The following SAP130 variants were observed in gnomAD, a reference collection of about 807,000 sequenced individuals.
SAP130 encodes histone deacetylase complex subunit SAP130.
SAP130 carries 16 observed loss-of-function variants against 103.2 expected under a neutral mutation model. The observed-to-expected ratio is 0.16, with a 90% CI of 0.10 to 0.24. The LOEUF is 0.24. Among genes scored for constraint, SAP130 ranks in the 10% least tolerant of loss-of-function variants. The pLI is 1.00. For missense variants in SAP130, 990 were observed against 1,359.7 expected, an observed-to-expected ratio of 0.73 and a Z score of 4.28; for synonymous variants, 477 against 497.0, an observed-to-expected ratio of 0.96 and a Z score of 0.53.
chr2:127,974,114 C>T (rs531592212), intron 15 of SAP130, among the ~76,000 whole-genome samples: 9 of 152,278 alleles, frequency 5.9e-5, no homozygotes, highest in South Asian at 4.1e-4. Flanking sequence ...AGATAGTTAA[C>T]GATTTTATCA....
In SAP130 at chr2:127,989,962, T is replaced by A. The variant is rs1479012874; in HGVS notation, c.1478-96A>T. On this transcript the variant is annotated intron_variant, in intron 12 of 20. Transcript: ENST00000643581. The surrounding 1 kb of genome is among the most constrained non-coding windows in gnomAD (Gnocchi z 4.6). The stretch of plus-strand genomic sequence containing the variant: ...CACTAAAAACGGATTTCCTCCACTG[T>A]ATAAGATCTAAATCCATGGTTTGAA... 9.2e-7 allele frequency: 1 copy of A among 1,090,130 alleles called. No individual in the cohort carries two copies. The highest frequency in any genetic ancestry group is 1.3e-6 in the Non-Finnish European group (1 of 765,430). 67.5% of individuals were successfully genotyped at this position (1,090,130 alleles called of 1,614,324 possible). A position where few individuals can be genotyped will look rare whatever the true frequency, so the allele number is the denominator to read the frequency against.
At chr2:127,981,716 C>T (rs1414308470) in intron 14 of SAP130, among the ~76,000 whole-genome samples, 1 of 106,924 alleles carries the variant, frequency 9.4e-6, no homozygotes, top group Non-Finnish European at 1.9e-5. Flanking sequence ...CCCAGTCCTC[C>T]TGCACCCCCG....
chr2:127,998,700 G>A (rs748471530), intron 10 of SAP130, among the ~76,000 whole-genome samples: 4 of 152,238 alleles, frequency 2.6e-5, no homozygotes, highest in Non-Finnish European at 4.4e-5. Flanking sequence ...GATCTCTTAG[G>A]AAGATAGAAG....
At chr2:127,954,460 AG>A (rs1446834520) in intron 16 of SAP130, among the ~76,000 whole-genome samples, 2 of 152,106 alleles carry the variant, frequency 1.3e-5, no homozygotes, top group African/African-American at 4.8e-5. Flanking sequence ...AAAAAAAGAA[AG>A]AAAACCTCTC....
chr2:127,979,166 G>A (rs1411998159), intron 14 of SAP130, among the ~76,000 whole-genome samples: 1 of 152,182 alleles, frequency 6.6e-6, no homozygotes, highest in Non-Finnish European at 1.5e-5. Flanking sequence ...CAGGTACGAG[G>A]GCAAGGCCAT....
intron 2 of SAP130, among the ~76,000 whole-genome samples, chr2:128,021,754 G>A (rs1685177973): frequency 6.7e-6 from 1 of 149,742 alleles, no homozygotes; most frequent in African/African-American, 2.5e-5. Flanking sequence ...CCCATTAGCA[G>A]TATACAAGCT....
chr2:128,010,270 T>C lies in SAP130; in HGVS notation c.868A>G (p.Ser290Gly). 1.2e-6 allele frequency: 2 copies of C among 1,613,614 alleles called. No homozygotes were observed. The highest frequency in any genetic ancestry group is 1.7e-6 in the Non-Finnish European group (2 of 1,179,742). ...TAAHATDSAL[S>G]RPTLSIQHPP... Reference sequence around the variant, plus strand: ...AAACTTCATACTCCCCATGTATACCTAAGTGCTGAATCAGTAGCATGCGCC... The same window carrying C: ...AAACTTCATACTCCCCATGTATACCCAAGTGCTGAATCAGTAGCATGCGCC... Residue 290 changes from serine (S) to glycine (G), a missense_variant and splice_region_variant, in exon 7 of 21, where the codon AGT becomes GGT. Around this residue, in one of 6 missense-constraint regions of SAP130, gnomAD observed 336 missense variants for 520.1 expected, o/e 0.65. Transcript: ENST00000643581.
chr2:128,007,602 A>C (rs1177175329), intron 7 of SAP130, among the ~76,000 whole-genome samples: 3 of 152,242 alleles, frequency 2.0e-5, no homozygotes, highest in African/African-American at 4.8e-5. Flanking sequence ...CTCAGGCAAC[A>C]TATTTATTAA....
chr2:128,026,709 A>T (rs1031297778), intron 1 of SAP130, among the ~76,000 whole-genome samples: 1 of 152,276 alleles, frequency 6.6e-6, no homozygotes, highest in Non-Finnish European at 1.5e-5. Flanking sequence ...AGTATGTCAT[A>T]GGAACATTCG....
chr2:127,943,858 T>C (rs898166497), intron 19 of SAP130, among the ~76,000 whole-genome samples: 1 of 152,218 alleles, frequency 6.6e-6, no homozygotes, highest in African/African-American at 2.4e-5. Context: ...CTTTCTTCAA[T>C]AACAAATTAA....
chr2:127,983,955 T>C (rs1682180832), intron 14 of SAP130, among the ~76,000 whole-genome samples: 1 of 151,918 alleles, frequency 6.6e-6, no homozygotes. Flanking sequence ...GAACTGAGAT[T>C]ACAATATTAT....
In SAP130 at chr2:127,989,872, A is replaced by G. The variant is rs761341114; in HGVS notation, c.1478-6T>C. ...GTTTGGAGCCTGAGCTGAAACTAAA[A>G]ATGATGCGAAAGGTAACTATAAGAA... On this transcript the variant is annotated splice_region_variant and splice_polypyrimidine_tract_variant and intron_variant, in intron 12 of 20. Coordinates refer to ENST00000643581, the MANE Select transcript of SAP130 (RefSeq NM_001330301.2). This position sits in a 1 kb window ranked among gnomAD's most constrained non-coding sequence, Gnocchi z 4.6. 2 of 1,610,718 alleles carry G rather than the reference A, an allele frequency of 1.2e-6. No homozygotes were observed. Among genetic ancestry groups the G allele is most frequent in the Non-Finnish European group, 1.7e-6 (2 of 1,177,444 alleles).
chr2:127,963,693 C>T (rs372717966), intron 15 of SAP130, among the ~76,000 whole-genome samples: 4 of 152,156 alleles, frequency 2.6e-5, no homozygotes, highest in Non-Finnish European at 2.9e-5. Flanking sequence ...ATCACGGGGG[C>T]GGGTCTTTCT....
intron 3 of SAP130, 67 bp from the exon 4 acceptor site, chr2:128,016,614 T>C (rs1259945256): frequency 2.0e-6 from 3 of 1,519,160 alleles, no homozygotes; most frequent in Non-Finnish European, 2.7e-6. Context: ...CAATCCACAA[T>C]TAAGAGTGCA....
At chr2:127,961,257 A>C (rs1347763649) in intron 15 of SAP130, among the ~76,000 whole-genome samples, 4 of 146,708 alleles carry the variant, frequency 2.7e-5, no homozygotes, top group East Asian at 4.0e-4. Context: ...CCCCTCCCCA[A>C]CCCCTCTAGC....
At position 127,941,693 on chromosome 2, in the gene SAP130, G is replaced by A. The variant is rs967402970; in HGVS notation, c.*313C>T. ...ACTAGATAAATACAGTCTATAAACCGGAAGGCTGAAAAACACCAGCCAGCC... is the reference window on the plus strand; with the variant it reads ...ACTAGATAAATACAGTCTATAAACCAGAAGGCTGAAAAACACCAGCCAGCC... On this transcript the variant is annotated 3_prime_UTR_variant, in exon 21 of 21. Transcript: ENST00000643581. 10 of 353,276 alleles carry A rather than the reference G, an allele frequency of 2.8e-5. No homozygotes were observed. The highest frequency in any genetic ancestry group is 5.0e-5 in the Admixed American group (1 of 19,842). The allele number at this position is 353,276 out of a possible 1,614,324, so 21.9% of individuals were successfully genotyped here.
Position 127,986,154 on chromosome 2 carries a change from C to A in SAP130, c.1958+631G>T, listed in dbSNP as rs573423957. ...GATACAGAAAGCTCTCTGTCCTTGC[C>A]ATAAGGCAGGGGTCTAATTGAGCTG... On this transcript the variant is annotated intron_variant, in intron 14 of 20. Coordinates refer to ENST00000643581, the MANE Select transcript of SAP130 (RefSeq NM_001330301.2). This position sits in a 1 kb window ranked among gnomAD's most constrained non-coding sequence, Gnocchi z 4.7. Among the ~76,000 whole-genome samples, 1 of 152,330 alleles carries A rather than the reference C, an allele frequency of 6.6e-6. No homozygotes were observed. The highest frequency in any genetic ancestry group is 1.5e-5 in the Non-Finnish European group (1 of 68,022).
chr2:127,952,497 C>T (rs1679562408), intron 16 of SAP130, among the ~76,000 whole-genome samples: 1 of 151,282 alleles, frequency 6.6e-6, no homozygotes, highest in Middle Eastern at 3.4e-3. Flanking sequence ...TCACTTCAAA[C>T]ACCTTTTTTC....
At chr2:128,026,050 A>C (rs1685474688) in intron 2 of SAP130, 131 bp downstream of exon 2, 1 of 673,760 alleles carries the variant, frequency 1.5e-6, no homozygotes, top group East Asian at 2.7e-5. Context: ...TAGAATAGTA[A>C]TATACCCTTT....
Sources: gnomAD v4.1 joint callset for allele counts (sites outside exome capture counted in the v4.1 genomes callset) on GRCh38, gnomAD v4.1.1 for gene constraint, gnomAD v4.1.1 regional missense constraint, Gnocchi (gnomAD v3.1) non-coding constraint, MANE v1.5 for transcripts, NCBI Gene and HGNC (gene_info 2026-07-23, HGNC 2026-07-21) for gene names.